The following GLRA2 variants were observed in gnomAD, a reference collection of about 807,000 sequenced individuals.
GLRA2 encodes glycine receptor subunit alpha-2.
GLRA2 carries 11 observed loss-of-function variants against 31.6 expected under a neutral mutation model. That is an observed-to-expected ratio of 0.35 (90% CI 0.22 to 0.58). GLRA2 has a LOEUF of 0.58. Among genes scored for constraint, GLRA2 ranks in the 20% least tolerant of loss-of-function variants. The pLI is 0.84. For missense variants in GLRA2, 212 were observed against 351.8 expected (o/e 0.60, Z 3.18); for synonymous variants, 132 against 134.0 (o/e 0.99, Z 0.10).
intron 1 of GLRA2, among the ~76,000 whole-genome samples, chrX:14,531,855 A>C (rs2089259888): frequency 9.0e-6 from 1 of 111,526 alleles, no homozygotes; most frequent in Non-Finnish European, 1.9e-5. Context: ...ATGCTGAAAC[A>C]ATTTTTTTAA....
chrX:14,518,701 G>C, the GLRA2 span, among the ~76,000 whole-genome samples: 1 of 110,335 alleles, frequency 9.1e-6, no homozygotes, highest in African/African-American at 3.3e-5. Flanking sequence ...AAATTTTTCA[G>C]TATGAAAGCT....
intron 7 of GLRA2, among the ~76,000 whole-genome samples, chrX:14,645,241 T>C (rs967459397): frequency 2.7e-5 from 3 of 111,740 alleles, no homozygotes; most frequent in African/African-American, 9.8e-5. Flanking sequence ...GTGGAGGGTA[T>C]ATATTTCCTT....
At chrX:14,494,167 T>C in the GLRA2 span, among the ~76,000 whole-genome samples, 1 of 111,601 alleles carries the variant, frequency 9.0e-6, no homozygotes. Flanking sequence ...CATTTACCCT[T>C]GGCAGGCTAG....
In GLRA2 at chrX:14,731,121, A is replaced by G. The variant is rs2091989441; in HGVS notation, c.*636A>G. The G allele has an allele frequency of 8.9e-6, 1 of 112,094 alleles. No individual in the cohort carries two copies. Among genetic ancestry groups the G allele is most frequent in the African/African-American group, 3.3e-5 (1 of 30,695 alleles). The allele number at this position is 112,094 out of a possible 1,213,427, so 9.2% of individuals were successfully genotyped here. ...TGAGAAAGCCTTTTGTGGGTCGTAA[A>G]TTATTTCTACTTATCCAGTAAATAA... On this transcript the variant is annotated 3_prime_UTR_variant, in exon 9 of 9. Transcript: ENST00000218075.
At chrX:14,518,847 GAA>G in the GLRA2 span, among the ~76,000 whole-genome samples, 4 of 91,901 alleles carry the variant, frequency 4.4e-5, no homozygotes, top group South Asian at 5.2e-4. Flanking sequence ...CGTCTCTACT[GAA>G]AAAAAAAAAA....
chrX:14,507,689 C>CTTTTTTTTTTTTGTTTTTTTTT, the GLRA2 span, among the ~76,000 whole-genome samples: 1 of 46,629 alleles, frequency 2.1e-5, no homozygotes, highest in Non-Finnish European at 3.9e-5. Flanking sequence ...GAAAGACATT[C>CTTTTTTTTTTTTGTTTTTTTTT]TTTTTTTTTT....
the GLRA2 span, among the ~76,000 whole-genome samples, chrX:14,465,640 G>A: frequency 8.9e-6 from 1 of 112,197 alleles, no homozygotes; most frequent in Non-Finnish European, 1.9e-5. Flanking sequence ...TCCTAGGTGT[G>A]AGAAAAATTG....
At chrX:14,457,936 C>A in the GLRA2 span, among the ~76,000 whole-genome samples, 2 of 109,966 alleles carry the variant, frequency 1.8e-5, no homozygotes, top group African/African-American at 6.7e-5. Context: ...AGGTTTGTTA[C>A]ACATATATAC....
At chrX:14,649,313 C>T (rs963514937) in intron 7 of GLRA2, among the ~76,000 whole-genome samples, 1 of 111,367 alleles carries the variant, frequency 9.0e-6, no homozygotes, top group Non-Finnish European at 1.9e-5. Context: ...TACACAGAGA[C>T]TTGTATATGA....
At chrX:14,624,077 G>A (rs1569511902) in intron 7 of GLRA2, among the ~76,000 whole-genome samples, 1 of 110,739 alleles carries the variant, frequency 9.0e-6, no homozygotes, top group Non-Finnish European at 1.9e-5. Context: ...GTCTTGGGAG[G>A]GTGTATGTAT....
chrX:14,523,626 T>C, the GLRA2 span, among the ~76,000 whole-genome samples: 1 of 111,497 alleles, frequency 9.0e-6, no homozygotes. Context: ...TTGAAGGCCA[T>C]TGTAGGGTTA....
chrX:14,658,552 A>C (rs768100704), intron 7 of GLRA2, among the ~76,000 whole-genome samples: 9 of 111,504 alleles, frequency 8.1e-5, no homozygotes, highest in African/African-American at 2.6e-4. Flanking sequence ...AACTCATTCC[A>C]GGTTTGATTT....
chrX:14,670,657 C>G (rs1323916111), intron 7 of GLRA2, among the ~76,000 whole-genome samples: 1 of 110,985 alleles, frequency 9.0e-6, no homozygotes, highest in African/African-American at 3.3e-5. Flanking sequence ...GACAACAGCA[C>G]GGGAAAGACC....
chrX:14,529,781 T>C lies in GLRA2; in HGVS notation c.-277T>C. On this transcript the variant is annotated 5_prime_UTR_variant, in exon 1 of 9. Coordinates refer to ENST00000218075, the MANE Select transcript of GLRA2 (RefSeq NM_002063.4). ...TGCGATTAAGGTAGCAGCATTTTTA[T>C]TATTCAGGAAAAGCAGCTGGGGGAT... 2 of 375,614 alleles carry C rather than the reference T, an allele frequency of 5.3e-6. No homozygotes were observed. Among genetic ancestry groups the C allele is most frequent in the South Asian group, 8.6e-5 (2 of 23,179 alleles). 31.0% of individuals were successfully genotyped at this position (375,614 alleles called of 1,213,427 possible).
At chrX:14,544,733 A>G (rs2089454920) in intron 2 of GLRA2, among the ~76,000 whole-genome samples, 1 of 111,858 alleles carries the variant, frequency 8.9e-6, no homozygotes, top group Admixed American at 9.5e-5. Flanking sequence ...ATGGATGCAG[A>G]AAATGAAATG....
the GLRA2 span, among the ~76,000 whole-genome samples, chrX:14,498,678 C>T: frequency 1.4e-4 from 15 of 110,726 alleles, no homozygotes; most frequent in African/African-American, 4.9e-4. Flanking sequence ...ACTATAGCCG[C>T]CCTACTGATC....
intron 4 of GLRA2, among the ~76,000 whole-genome samples, chrX:14,601,492 C>T (rs1252821868): frequency 9.0e-6 from 1 of 111,678 alleles, no homozygotes. Flanking sequence ...TTTTTATGGA[C>T]ATTTTCAAAT....
intron 4 of GLRA2, among the ~76,000 whole-genome samples, chrX:14,588,406 T>C (rs1012361390): frequency 2.7e-5 from 3 of 111,721 alleles, no homozygotes; most frequent in African/African-American, 9.8e-5. Context: ...TGTGGCTTTA[T>C]TTCTGGGTTC....
At chrX:14,472,097 A>G in the GLRA2 span, among the ~76,000 whole-genome samples, 285 of 112,084 alleles carry the variant, frequency 2.5e-3, no homozygotes, top group African/African-American at 8.7e-3. Context: ...GCCTCACCTA[A>G]CGTAAATTTT....
Sources: allele counts gnomAD v4.1 joint callset (sites outside exome capture counted in the v4.1 genomes callset), GRCh38; gene constraint gnomAD v4.1.1; transcripts MANE v1.5; gene names NCBI Gene and HGNC (gene_info 2026-07-23, HGNC 2026-07-21).